PHAF1: variants seen among roughly 807,000 people sequenced by gnomAD.
The protein encoded by PHAF1 is phagophore assembly factor 1.
PHAF1 carries 23 observed loss-of-function variants against 63.1 expected under a neutral mutation model. That is an observed-to-expected ratio of 0.36 (90% CI 0.26 to 0.52). The LOEUF is 0.52. Ranked by LOEUF, PHAF1 falls within the 20% of genes least tolerant of loss-of-function variation. The pLI is 0.93. For synonymous variants in PHAF1, 167 were observed against 185.0 expected, an observed-to-expected ratio of 0.90 and a Z score of 0.79; for missense variants, 427 against 517.2, an observed-to-expected ratio of 0.83 and a Z score of 1.69.
intron 8 of PHAF1, 113 bp downstream of exon 8, chr16:67,134,580 T>C (rs1305140410): frequency 3.2e-6 from 3 of 939,264 alleles, no homozygotes; most frequent in Non-Finnish European, 5.2e-6. Flanking sequence ...TATAATAAAA[T>C]ACCATAAACT....
intron 1 of PHAF1, among the ~76,000 whole-genome samples, chr16:67,115,217 G>C (rs1962690711): frequency 6.6e-6 from 1 of 152,228 alleles, no homozygotes; most frequent in African/African-American, 2.4e-5. Flanking sequence ...GTGATTGGGT[G>C]CTGGGAGGTA....
At chr16:67,131,418 G>A (rs1029879138) in intron 4 of PHAF1, 89 bp downstream of exon 4, 2 of 989,028 alleles carry the variant, frequency 2.0e-6, no homozygotes, top group East Asian at 2.7e-5. Context: ...ATTCACATCT[G>A]TCACAGATGT....
At chr16:67,111,843 C>T (rs1421910767) in intron 1 of PHAF1, among the ~76,000 whole-genome samples, 2 of 152,112 alleles carry the variant, frequency 1.3e-5, no homozygotes, top group African/African-American at 2.4e-5. Flanking sequence ...AGGCTGGTCT[C>T]GAACTCCTGA....
At chr16:67,126,944 AGT>A (rs1963217277) in intron 3 of PHAF1, among the ~76,000 whole-genome samples, 1 of 142,912 alleles carries the variant, frequency 7.0e-6, no homozygotes, top group South Asian at 2.2e-4. Flanking sequence ...GCTGGCGTGA[AGT>A]GGTGCAATCT....
In PHAF1 at chr16:67,116,849, C is replaced by CA. The variant is rs1361815001; in HGVS notation, c.65-3256dup. ...TGGGTGACACAGTGAGATTGTGTCTCAAAAAAACAAAACAAAACCAGTCAC... is the reference window on the plus strand; with the variant it reads ...TGGGTGACACAGTGAGATTGTGTCTCAAAAAAAACAAAACAAAACCAGTCAC... On this transcript the variant is annotated intron_variant, in intron 1 of 15. Transcript: ENST00000219139. Among the ~76,000 whole-genome samples, 95 of 151,710 alleles carry CA rather than the reference C, an allele frequency of 6.3e-4. 1 individual carries two copies. The highest frequency in any genetic ancestry group is 2.1e-3 in the African/African-American group (88 of 41,192).
intron 2 of PHAF1, among the ~76,000 whole-genome samples, chr16:67,122,404 A>G (rs867660443): frequency 3.3e-5 from 5 of 152,038 alleles, no homozygotes; most frequent in African/African-American, 4.8e-5. Flanking sequence ...CTTGAGTCCA[A>G]GAGTTCGAGA....
intron 8 of PHAF1, among the ~76,000 whole-genome samples, chr16:67,139,343 C>CTTTT (rs1164245105): frequency 9.7e-4 from 84 of 86,886 alleles, no homozygotes; most frequent in African/African-American, 1.1e-3. Flanking sequence ...ACAGCACTGC[C>CTTTT]TTTTTTTTTT....
chr16:67,113,650 C>T (rs549159313), intron 1 of PHAF1, among the ~76,000 whole-genome samples: 61 of 151,656 alleles, frequency 4.0e-4, no homozygotes, highest in Non-Finnish European at 6.0e-4. Flanking sequence ...AGGGTTTCAC[C>T]GTGTTAGCCA....
chr16:67,132,303 G>A (rs1433256038), intron 4 of PHAF1, 143 bp from the exon 5 acceptor site: 15 of 721,046 alleles, frequency 2.1e-5, no homozygotes, highest in South Asian at 1.8e-4. Context: ...TTATTTAAAA[G>A]TTCTCTAATT....
rs1383302829 is a variant in PHAF1, at chr16:67,147,097, C to G, written c.1235C>G (p.Pro412Arg). 6 of 1,614,040 alleles carry G rather than the reference C, an allele frequency of 3.7e-6. No homozygotes were observed. The South Asian group carries it at 6.6e-5, about 18-fold the overall frequency. The change falls in exon 16 of 16, where the codon CCT becomes CGT. Residue 412 changes from proline to arginine, a missense_variant. Transcript: ENST00000219139. ...GTGACCCTGTATGGCCCCCCCAGGC[C>G]TGGTAGCCACCTGAGAACAGCGGAA... ...ASVTLYGPPRPGSHLRTAELP is the reference protein window; with the variant it reads ...ASVTLYGPPRRGSHLRTAELP
rs368936324 is a variant in PHAF1 at position 67,120,156 on chromosome 16, C to A, written c.109C>A (p.Arg37Ser). The A allele has an allele frequency of 8.1e-6, 13 of 1,614,056 alleles. No individual in the cohort carries two copies. The highest frequency in any genetic ancestry group is 1.1e-5 in the Non-Finnish European group (13 of 1,179,988). ...AGTAGCCATTCTTCAGAAGCACTGT[C>A]GCATCATCAAAAACGTCCAGGTTCT... ...QAVAILQKHCRIIKNVQVLYS... is the reference protein window; with the variant it reads ...QAVAILQKHCSIIKNVQVLYS... The change falls in exon 2 of 16, where the codon CGC becomes AGC. Residue 37 changes from arginine (R) to serine (S), a missense_variant. Transcript: ENST00000219139.
rs779312454 is a variant in PHAF1, at chr16:67,147,041, C to G, written c.1183-4C>G. On this transcript the variant is annotated splice_polypyrimidine_tract_variant and splice_region_variant and intron_variant, in intron 15 of 15. Coordinates refer to ENST00000219139, the MANE Select transcript of PHAF1 (RefSeq NM_025187.5). Reference sequence around the variant, plus strand: ...CTTGACCCACTGTCCTCTTCTCACACCAGGTCATGCAGAACAACCACATTG... The same window carrying G: ...CTTGACCCACTGTCCTCTTCTCACAGCAGGTCATGCAGAACAACCACATTG... 1.2e-6 allele frequency: 2 copies of G among 1,612,848 alleles called. No homozygotes were observed. Among genetic ancestry groups the G allele is most frequent in the Non-Finnish European group, 1.7e-6 (2 of 1,178,862 alleles).
intron 8 of PHAF1, chr16:67,136,383 T>A (rs1396361186): frequency 1.3e-5 from 2 of 151,876 alleles, no homozygotes; most frequent in African/African-American, 4.8e-5. Context: ...GACATTCCCA[T>A]GCCTGGCCAA....
chr16:67,130,911 C>T (rs28573780), intron 3 of PHAF1, among the ~76,000 whole-genome samples: 1 of 152,078 alleles, frequency 6.6e-6, no homozygotes, highest in Non-Finnish European at 1.5e-5. Context: ...CTGAAGGGGA[C>T]ACTGGCTATG....
chr16:67,111,408 CTGTT>C (rs971146259), intron 1 of PHAF1, among the ~76,000 whole-genome samples: 10 of 152,112 alleles, frequency 6.6e-5, no homozygotes, highest in African/African-American at 2.4e-4. Context: ...GGTGTTGGTG[CTGTT>C]TGTTTGTGCA....
intron 1 of PHAF1, among the ~76,000 whole-genome samples, chr16:67,113,212 G>A (rs1241730896): frequency 6.6e-6 from 1 of 152,184 alleles, no homozygotes; most frequent in Admixed American, 6.5e-5. Context: ...ATTGGAATCT[G>A]TGCAAATGCA....
At chr16:67,133,100 T>A (rs1364620635) in intron 6 of PHAF1, among the ~76,000 whole-genome samples, 189 bp downstream of exon 6, 2 of 152,168 alleles carry the variant, frequency 1.3e-5, no homozygotes, top group Admixed American at 1.3e-4. Context: ...ATGCTCAGGC[T>A]GGCATTCCGA....
At chr16:67,133,676 A>G (rs1161973472) in intron 6 of PHAF1, among the ~76,000 whole-genome samples, 5 of 151,616 alleles carry the variant, frequency 3.3e-5, no homozygotes, top group Non-Finnish European at 1.5e-5. Flanking sequence ...GCTACTTGGG[A>G]GGCTGAGGCA....
chr16:67,132,586 C>T, intron 5 of PHAF1, 61 bp downstream of exon 5: 1 of 1,523,200 alleles, frequency 6.6e-7, no homozygotes, highest in Non-Finnish European at 9.1e-7. Flanking sequence ...ATAAACCTGC[C>T]CGGTAGTGCC....
Sources: gnomAD v4.1 joint callset for allele counts (sites outside exome capture counted in the v4.1 genomes callset) on GRCh38, gnomAD v4.1.1 for gene constraint, MANE v1.5 for transcripts, NCBI Gene and HGNC (gene_info 2026-07-23, HGNC 2026-07-21) for gene names.